Variants in TMEM266 observed in about 807,000 individuals in gnomAD.
The protein encoded by TMEM266 is Hv1 related protein 1.
In TMEM266, 33 loss-of-function variants were observed where a neutral mutation model predicts 50.5. That is an observed-to-expected ratio of 0.65 (90% confidence interval 0.50 to 0.87). The LOEUF (loss-of-function observed/expected upper bound fraction) is 0.87. Ranked by LOEUF, TMEM266 falls within the 40% of genes least tolerant of loss-of-function variation. TMEM266 has a pLI of 0.00. For missense variants in TMEM266, 655 were observed against 695.1 expected, an observed-to-expected ratio of 0.94 and a Z score of 0.65; for synonymous variants, 310 against 292.3, an observed-to-expected ratio of 1.06 and a Z score of -0.62.
At chr15:76,084,221 G>A (rs918192858) in intron 1 of TMEM266, among the ~76,000 whole-genome samples, 1 of 152,152 alleles carries the variant, frequency 6.6e-6, no homozygotes, top group African/African-American at 2.4e-5. Context: ...GGCTGAGGTA[G>A]GAGGATTGCT....
chr15:76,132,973 A>AAT (rs2037535057), intron 1 of TMEM266, among the ~76,000 whole-genome samples: 1 of 151,344 alleles, frequency 6.6e-6, no homozygotes, highest in Non-Finnish European at 1.5e-5. Context: ...CGACTCTACC[A>AAT]AAAGTCCAAA....
chr15:76,133,011 C>T (rs1157092670), intron 1 of TMEM266, among the ~76,000 whole-genome samples: 1 of 151,672 alleles, frequency 6.6e-6, no homozygotes, highest in Non-Finnish European at 1.5e-5. Context: ...TAGTACGTGC[C>T]TGTAATCCCA....
At position 76,204,345 on chromosome 15, in the gene TMEM266, G is replaced by A. The variant is rs1171424288; in HGVS notation, c.*30G>A. 1.9e-6 allele frequency: 3 copies of A among 1,552,038 alleles called. No individual in the cohort carries two copies. The highest frequency in any genetic ancestry group is 2.6e-6 in the Non-Finnish European group (3 of 1,141,338). On this transcript the variant is annotated 3_prime_UTR_variant, in exon 11 of 11. Coordinates refer to ENST00000388942, the MANE Select transcript of TMEM266 (RefSeq NM_152335.3). ...TGCCATGGGCTGGGTGAGATGAGGG[G>A]AGACAGCCATCTCAAAGCTCTCCTG...
At chr15:76,169,795 T>G (rs1218453673) in intron 5 of TMEM266, 21 bp from the exon 6 acceptor site, 3 of 1,611,928 alleles carry the variant, frequency 1.9e-6, no homozygotes, top group African/African-American at 2.7e-5. Context: ...GAATAACCAC[T>G]TTCTCACTTC....
intron 4 of TMEM266, among the ~76,000 whole-genome samples, chr15:76,157,470 C>G (rs1391633613): frequency 6.6e-6 from 1 of 152,142 alleles, no homozygotes; most frequent in African/African-American, 2.4e-5. Flanking sequence ...CACGTTAAAC[C>G]TTGTCTTCCA....
intron 1 of TMEM266, among the ~76,000 whole-genome samples, chr15:76,074,475 A>G (rs1008757729): frequency 1.3e-5 from 2 of 152,000 alleles, no homozygotes; most frequent in Non-Finnish European, 2.9e-5. Context: ...TGATATTGAC[A>G]CTTCAAATTA....
intron 3 of TMEM266, among the ~76,000 whole-genome samples, chr15:76,154,439 G>A (rs1239817488): frequency 6.6e-6 from 1 of 152,032 alleles, no homozygotes; most frequent in Non-Finnish European, 1.5e-5. Flanking sequence ...CACCTGGAGT[G>A]GGCGATGGGG....
chr15:76,104,359 G>A (rs1016108665), intron 1 of TMEM266, among the ~76,000 whole-genome samples: 66 of 152,270 alleles, frequency 4.3e-4, no homozygotes, highest in African/African-American at 1.4e-3. Flanking sequence ...CACAAGCCAC[G>A]TTTCACATTT....
chr15:76,076,368 C>G (rs2036608295), intron 1 of TMEM266, among the ~76,000 whole-genome samples: 1 of 152,082 alleles, frequency 6.6e-6, no homozygotes, highest in Admixed American at 6.5e-5. Flanking sequence ...TAAATACACT[C>G]CTTCTCTTGG....
chr15:76,078,831 G>A (rs926248046), intron 1 of TMEM266, among the ~76,000 whole-genome samples: 5 of 152,184 alleles, frequency 3.3e-5, no homozygotes, highest in Non-Finnish European at 7.4e-5. Flanking sequence ...TTCTCTCACA[G>A]TTCTGGAGGA....
At chr15:76,136,810 C>T (rs1022401933) in intron 2 of TMEM266, among the ~76,000 whole-genome samples, 2 of 152,096 alleles carry the variant, frequency 1.3e-5, no homozygotes, top group Admixed American at 1.3e-4. Context: ...AGTTTTTAGT[C>T]GTTATTGACA....
intron 1 of TMEM266, among the ~76,000 whole-genome samples, chr15:76,087,846 T>A (rs1405255835): frequency 6.6e-6 from 1 of 152,154 alleles, no homozygotes; most frequent in Non-Finnish European, 1.5e-5. Context: ...AACTGCTCCC[T>A]CACCACTCCA....
intron 1 of TMEM266, among the ~76,000 whole-genome samples, chr15:76,119,957 T>A (rs886865860): frequency 1.3e-5 from 2 of 152,194 alleles, no homozygotes; most frequent in Non-Finnish European, 2.9e-5. Flanking sequence ...GTATTTGAAC[T>A]TAAATAGTCC....
intron 1 of TMEM266, among the ~76,000 whole-genome samples, chr15:76,111,627 C>G (rs1270572571): frequency 6.6e-6 from 1 of 151,222 alleles, no homozygotes; most frequent in East Asian, 2.0e-4. Context: ...AGGCTGGTCT[C>G]TAACTCCTGA....
intron 2 of TMEM266, among the ~76,000 whole-genome samples, chr15:76,136,475 C>T (rs1196044489): frequency 2.0e-5 from 3 of 152,168 alleles, no homozygotes; most frequent in Non-Finnish European, 2.9e-5. Context: ...CAGAAGTTGG[C>T]ATTCAAACCA....
intron 3 of TMEM266, among the ~76,000 whole-genome samples, chr15:76,156,214 G>T (rs2037922248): frequency 6.6e-6 from 1 of 152,104 alleles, no homozygotes; most frequent in Non-Finnish European, 1.5e-5. Flanking sequence ...ACAAAAATTA[G>T]CCGGGCATGG....
chr15:76,077,045 A>G lies in TMEM266; in HGVS notation c.-97+17029A>G, dbSNP rs1045070352. ...AGTGGCACAATCTTGGCTCACTGCAACCCCTGCTTCATGGGCTCAAGCGAT... is the reference window on the plus strand; with the variant it reads ...AGTGGCACAATCTTGGCTCACTGCAGCCCCTGCTTCATGGGCTCAAGCGAT... On this transcript the variant is annotated intron_variant, in intron 1 of 10. Coordinates refer to ENST00000388942, the MANE Select transcript of TMEM266 (RefSeq NM_152335.3). Among the ~76,000 whole-genome samples, 20 of 151,348 alleles carry G rather than the reference A, an allele frequency of 1.3e-4. 1 individual carries two copies. Among genetic ancestry groups the G allele is most frequent in the African/African-American group, 4.9e-4 (20 of 40,996 alleles).
At chr15:76,148,372 G>C (rs2037788171) in intron 3 of TMEM266, among the ~76,000 whole-genome samples, 1 of 152,194 alleles carries the variant, frequency 6.6e-6, no homozygotes, top group African/African-American at 2.4e-5. Context: ...TTGTTCCCTC[G>C]TTCTCACCCG....
rs758847948 is a variant in TMEM266 at position 76,204,148 on chromosome 15, G to T, written c.1429G>T (p.Glu477Ter). ...AGCGGGCTCGGCCCAAACCAGCCCC[G>T]AGCTGGAACACAGGGTAAGTCTGTT... The change falls in exon 11 of 11, where the codon GAG becomes TAG. Residue 477 changes from glutamate (E) to a stop codon, truncating the protein, a stop_gained. Transcript: ENST00000388942. LOFTEE classifies it high-confidence loss of function. 1 of 1,613,570 alleles carries T rather than the reference G, an allele frequency of 6.2e-7. No homozygotes were observed. The highest frequency in any genetic ancestry group is 1.1e-5 in the South Asian group (1 of 91,078).
Sources: gnomAD v4.1 joint callset for allele counts (sites outside exome capture counted in the v4.1 genomes callset) on GRCh38, gnomAD v4.1.1 for gene constraint, MANE v1.5 for transcripts, NCBI Gene and HGNC (gene_info 2026-07-23, HGNC 2026-07-21) for gene names.